Variants in MDGA2 observed in about 807,000 individuals in gnomAD.
MDGA2 encodes the protein MAM domain containing glycosylphosphatidylinositol anchor 2.
A neutral mutation model predicts 117.8 loss-of-function variants in MDGA2; 40 were observed. The observed-to-expected ratio is 0.34, with a 90% CI of 0.26 to 0.44. The LOEUF (loss-of-function observed/expected upper bound fraction) is 0.44, where lower values mean the gene tolerates loss of function less well. MDGA2 is among the 20% of genes least tolerant of loss of function. MDGA2 has a pLI of 1.00. For synonymous variants in MDGA2, 452 were observed against 439.0 expected (o/e 1.03, Z -0.37); for missense variants, 1,123 against 1,250.6 (o/e 0.90, Z 1.54).
chr14:46,886,357 G>A (rs1882676896), intron 10 of MDGA2, among the ~76,000 whole-genome samples: 1 of 151,912 alleles, frequency 6.6e-6, no homozygotes, highest in African/African-American at 2.4e-5. Context: ...CATCAACATG[G>A]AAAATTTTCA....
intron 1 of MDGA2, among the ~76,000 whole-genome samples, chr14:47,646,314 T>TA (rs1252054045): frequency 1.3e-5 from 2 of 152,014 alleles, no homozygotes; most frequent in African/African-American, 2.4e-5. Flanking sequence ...CATATACATA[T>TA]ATGCATGTAT....
intron 6 of MDGA2, among the ~76,000 whole-genome samples, chr14:47,082,392 A>G (rs917129809): frequency 4.6e-5 from 7 of 151,692 alleles, no homozygotes; most frequent in African/African-American, 1.7e-4. Context: ...GTCATTGTCT[A>G]TTTCAGGTAT....
chr14:47,035,257 T>G lies in MDGA2; in HGVS notation c.1573A>C (p.Arg525=). 6.2e-7 allele frequency: 1 copy of G among 1,614,076 alleles called. No homozygotes were observed. Among genetic ancestry groups the G allele is most frequent in the Non-Finnish European group, 8.5e-7 (1 of 1,179,956 alleles). ...VPQEKSPLVT[R]EGDTIELQCQ... is the part of the protein sequence containing the mutation. ...TGCAGTTCTATTGTGTCTCCTTCTC[T>G]GGTGACCAATGGTGATTTTTCCTGT... The change falls in exon 8 of 17, where the codon AGA becomes CGA. Residue 525 remains arginine, a synonymous_variant. Transcript: ENST00000399232.
chr14:47,065,036 C>T (rs1890031100), intron 6 of MDGA2, among the ~76,000 whole-genome samples: 1 of 152,062 alleles, frequency 6.6e-6, no homozygotes, highest in Non-Finnish European at 1.5e-5. Flanking sequence ...AATCCCCTAA[C>T]ACCAGCCTGA....
At chr14:47,326,981 T>C (rs1890163455) in intron 1 of MDGA2, among the ~76,000 whole-genome samples, 1 of 152,010 alleles carries the variant, frequency 6.6e-6, no homozygotes, top group Non-Finnish European at 1.5e-5. Flanking sequence ...AAGGAGAGGA[T>C]GGAGTTGAGA....
chr14:47,450,202 A>G (rs1407519557), intron 1 of MDGA2, among the ~76,000 whole-genome samples: 1 of 152,062 alleles, frequency 6.6e-6, no homozygotes, highest in Non-Finnish European at 1.5e-5. Flanking sequence ...CTTTCTTAAA[A>G]TGGGACTTAG....
intron 5 of MDGA2, among the ~76,000 whole-genome samples, chr14:47,131,067 A>C (rs1882180886): frequency 6.6e-6 from 1 of 151,882 alleles, no homozygotes; most frequent in Non-Finnish European, 1.5e-5. Context: ...GGAGTTTCTC[A>C]AAACCAGTTC....
In MDGA2 at chr14:47,380,891, T is replaced by A. The variant is rs921862160; in HGVS notation, c.281-79341A>T. On this transcript the variant is annotated intron_variant, in intron 1 of 16. Transcript: ENST00000399232. ...CCAGCATCATCCTGATACCAAAGCC[T>A]GGCAGAGACACACAAAAAAAGAGAA... 1.6e-4 allele frequency among the ~76,000 whole-genome samples: 24 copies of A among 152,224 alleles called. No individual in the cohort carries two copies. The East Asian group carries it at 2.7e-3, about 17-fold the overall frequency.
chr14:47,234,079 G>A (rs1886779936), intron 2 of MDGA2, among the ~76,000 whole-genome samples: 1 of 151,902 alleles, frequency 6.6e-6, no homozygotes, highest in African/African-American at 2.4e-5. Context: ...TCTTGTCACT[G>A]AACTTACTTT....
At chr14:47,469,452 G>A (rs1893674189) in intron 1 of MDGA2, among the ~76,000 whole-genome samples, 1 of 152,108 alleles carries the variant, frequency 6.6e-6, no homozygotes, top group Admixed American at 6.5e-5. Flanking sequence ...ATGGTTTCCA[G>A]CTTCATCCAT....
intron 2 of MDGA2, among the ~76,000 whole-genome samples, chr14:47,278,415 G>A (rs912295512): frequency 9.2e-5 from 14 of 152,084 alleles, no homozygotes; most frequent in African/African-American, 3.4e-4. Context: ...GCTGGCTACA[G>A]CTCTGGGAAA....
intron 8 of MDGA2, among the ~76,000 whole-genome samples, chr14:47,014,060 G>A (rs1887997193): frequency 6.6e-6 from 1 of 151,882 alleles, no homozygotes; most frequent in African/African-American, 2.4e-5. Flanking sequence ...CTCCCAAAGT[G>A]TTGAGATTAC....
In MDGA2 at chr14:47,275,188, C is replaced by A. The variant is rs186623608; in HGVS notation, c.420+26223G>T. Reference sequence around the variant, plus strand: ...AAGGAACAAATCAAGAATAGTGGAACCTTATTCCAGACAGACGTTAGCGAA... The same window carrying A: ...AAGGAACAAATCAAGAATAGTGGAAACTTATTCCAGACAGACGTTAGCGAA... On this transcript the variant is annotated intron_variant, in intron 2 of 16. Coordinates refer to ENST00000399232, the MANE Select transcript of MDGA2 (RefSeq NM_001113498.3). 2.1e-3 allele frequency among the ~76,000 whole-genome samples: 315 copies of A among 152,252 alleles called. 1 individual carries two copies. Among genetic ancestry groups the A allele is most frequent in the Non-Finnish European group, 3.2e-3 (220 of 68,010 alleles).
At chr14:47,345,536 A>T (rs1890745337) in intron 1 of MDGA2, among the ~76,000 whole-genome samples, 1 of 152,068 alleles carries the variant, frequency 6.6e-6, no homozygotes, top group Non-Finnish European at 1.5e-5. Context: ...TTTCTGGGTG[A>T]CAACTCTCAA....
intron 1 of MDGA2, among the ~76,000 whole-genome samples, chr14:47,354,579 T>C (rs919378888): frequency 1.3e-5 from 2 of 152,214 alleles, no homozygotes; most frequent in African/African-American, 4.8e-5. Context: ...CTAAATGCAA[T>C]GACTCTGATA....
chr14:47,198,129 G>A (rs1170233186), intron 3 of MDGA2, among the ~76,000 whole-genome samples: 3 of 152,162 alleles, frequency 2.0e-5, no homozygotes, highest in East Asian at 1.9e-4. Context: ...TGAGCAATAA[G>A]TGTATTGTCT....
chr14:46,968,718 T>C (rs1886136320), intron 8 of MDGA2, among the ~76,000 whole-genome samples: 1 of 149,814 alleles, frequency 6.7e-6, no homozygotes, highest in Non-Finnish European at 1.5e-5. Flanking sequence ...GTGCCTGTAG[T>C]CCCAGCTACT....
At chr14:46,954,256 T>TA (rs1224478190) in intron 9 of MDGA2, among the ~76,000 whole-genome samples, 1 of 151,976 alleles carries the variant, frequency 6.6e-6, no homozygotes, top group African/African-American at 2.4e-5. Context: ...CTCCAGGGTC[T>TA]AGCTTGCTTA....
At chr14:47,216,657 C>T (rs951208912) in intron 3 of MDGA2, among the ~76,000 whole-genome samples, 1 of 151,888 alleles carries the variant, frequency 6.6e-6, no homozygotes, top group African/African-American at 2.4e-5. Flanking sequence ...AATTTCATGA[C>T]CTAAACTACA....
Sources: gnomAD v4.1 joint callset for allele counts (sites outside exome capture counted in the v4.1 genomes callset) on GRCh38, gnomAD v4.1.1 for gene constraint, MANE v1.5 for transcripts, NCBI Gene and HGNC (gene_info 2026-07-23, HGNC 2026-07-21) for gene names.